Variants in MARK1 observed in about 807,000 individuals in gnomAD.
The protein encoded by MARK1 is serine/threonine-protein kinase MARK1.
Under a neutral mutation model 96.3 loss-of-function variants are expected in MARK1, and 40 were observed. The observed-to-expected ratio is 0.42, with a 90% CI of 0.32 to 0.54. MARK1 has a LOEUF of 0.54. MARK1 is among the 20% of genes least tolerant of loss of function. The pLI is 0.16. For missense variants in MARK1, 719 were observed against 984.6 expected (o/e 0.73, Z 3.61); for synonymous variants, 317 against 341.2 (o/e 0.93, Z 0.78).
intron 1 of MARK1, among the ~76,000 whole-genome samples, chr1:220,535,468 G>A (rs1379852282): frequency 6.6e-6 from 1 of 151,984 alleles, no homozygotes; most frequent in African/African-American, 2.4e-5. Flanking sequence ...ACTGTAGTGT[G>A]CTTTTTCACT....
intron 1 of MARK1, among the ~76,000 whole-genome samples, chr1:220,562,675 C>T (rs992360664): frequency 9.2e-5 from 14 of 151,788 alleles, no homozygotes; most frequent in African/African-American, 3.4e-4. Flanking sequence ...TCCAGGACCT[C>T]CCTCAAAAAA....
At chr1:220,603,210 C>G (rs1665855356) in intron 5 of MARK1, among the ~76,000 whole-genome samples, 1 of 151,926 alleles carries the variant, frequency 6.6e-6, no homozygotes, top group South Asian at 2.1e-4. Flanking sequence ...AAATTTAATC[C>G]TTATACTAAG....
At chr1:220,657,164 A>G (rs1229812235) in intron 16 of MARK1, among the ~76,000 whole-genome samples, 1 of 152,184 alleles carries the variant, frequency 6.6e-6, no homozygotes, top group African/African-American at 2.4e-5. Context: ...ACACAGAACA[A>G]TTAGTAGTGT....
intron 13 of MARK1, among the ~76,000 whole-genome samples, chr1:220,643,806 A>G (rs915272602): frequency 6.6e-6 from 1 of 152,224 alleles, no homozygotes; most frequent in Non-Finnish European, 1.5e-5. Flanking sequence ...CCAGAATTTC[A>G]TATCTGGTCA....
At chr1:220,600,586 A>G (rs1163880969) in intron 5 of MARK1, among the ~76,000 whole-genome samples, 1 of 152,210 alleles carries the variant, frequency 6.6e-6, no homozygotes, top group Non-Finnish European at 1.5e-5. Context: ...TTTCTCAGAA[A>G]TGGGTTGAAA....
At chr1:220,556,104 A>C (rs987393698) in intron 1 of MARK1, among the ~76,000 whole-genome samples, 7 of 152,168 alleles carry the variant, frequency 4.6e-5, no homozygotes, top group African/African-American at 1.7e-4. Flanking sequence ...TGTAGCTCTA[A>C]CACTGTCTTA....
In MARK1 at chr1:220,663,538, C is replaced by T. The variant is rs1390209671; in HGVS notation, c.*1372C>T. The stretch of plus-strand genomic sequence containing the variant: ...TACTGTAATACCAACATATGGGCCC[C>T]ATCTGCACACTCCTGAAAAACAGAA... On this transcript the variant is annotated 3_prime_UTR_variant, in exon 18 of 18. Transcript: ENST00000366917. 6.6e-6 allele frequency: 1 copy of T among 152,496 alleles called. No homozygotes were observed. The highest frequency in any genetic ancestry group is 1.5e-5 in the Non-Finnish European group (1 of 67,992). 9.4% of individuals were successfully genotyped at this position (152,496 alleles called of 1,614,324 possible).
At chr1:220,612,428 A>T (rs1666503619) in intron 6 of MARK1, among the ~76,000 whole-genome samples, 1 of 152,188 alleles carries the variant, frequency 6.6e-6, no homozygotes, top group Admixed American at 6.5e-5. Flanking sequence ...CATTGCAGAG[A>T]CTGAGTGCCA....
chr1:220,657,760 AT>A (rs765737210), intron 16 of MARK1, 29 bp from the exon 17 acceptor site: 1 of 1,520,760 alleles, frequency 6.6e-7, no homozygotes, highest in Non-Finnish European at 8.8e-7. Flanking sequence ...TACTTTTATC[AT>A]TAAATCTCAA....
At chr1:220,593,288 A>G (rs1049402671) in intron 3 of MARK1, among the ~76,000 whole-genome samples, 1 of 152,172 alleles carries the variant, frequency 6.6e-6, no homozygotes, top group East Asian at 1.9e-4. Flanking sequence ...AGTTACACTT[A>G]AGCATTTTTT....
At chr1:220,538,145 C>G (rs1660857770) in intron 1 of MARK1, among the ~76,000 whole-genome samples, 1 of 150,606 alleles carries the variant, frequency 6.6e-6, no homozygotes, top group Non-Finnish European at 1.5e-5. Flanking sequence ...GACATGAAGT[C>G]CTTGCCCATG....
intron 1 of MARK1, among the ~76,000 whole-genome samples, chr1:220,558,465 A>C (rs1662441287): frequency 6.6e-6 from 1 of 151,866 alleles, no homozygotes; most frequent in Non-Finnish European, 1.5e-5. Context: ...TTGTGTAAAA[A>C]CTAGTAAAAC....
intron 9 of MARK1, among the ~76,000 whole-genome samples, chr1:220,620,249 A>G (rs1164128727): frequency 6.6e-6 from 1 of 152,328 alleles, no homozygotes; most frequent in East Asian, 1.9e-4. Flanking sequence ...AATAGAGAAC[A>G]TGTACTATAT....
chr1:220,620,775 A>G (rs1181879799), intron 9 of MARK1, among the ~76,000 whole-genome samples: 1 of 152,148 alleles, frequency 6.6e-6, no homozygotes, highest in African/African-American at 2.4e-5. Context: ...GCTTACCAAA[A>G]CAAAGTTTTT....
intron 1 of MARK1, among the ~76,000 whole-genome samples, chr1:220,562,267 C>T (rs886946901): frequency 6.6e-6 from 1 of 152,068 alleles, no homozygotes; most frequent in African/African-American, 2.4e-5. Context: ...GAGTTTGACA[C>T]CAGCCTGGCC....
intron 4 of MARK1, among the ~76,000 whole-genome samples, chr1:220,599,566 C>G (rs968433718): frequency 5.3e-5 from 8 of 151,902 alleles, no homozygotes; most frequent in African/African-American, 1.9e-4. Flanking sequence ...CCTTTTAATC[C>G]TAGAAACTTA....
intron 3 of MARK1, among the ~76,000 whole-genome samples, chr1:220,596,586 A>C (rs916787688): frequency 6.6e-6 from 1 of 152,182 alleles, no homozygotes; most frequent in African/African-American, 2.4e-5. Context: ...ATTATTGAGA[A>C]TAGCTAGGGA....
chr1:220,570,775 A>T (rs1473015431), intron 1 of MARK1, among the ~76,000 whole-genome samples: 1 of 152,164 alleles, frequency 6.6e-6, no homozygotes, highest in Non-Finnish European at 1.5e-5. Flanking sequence ...ACCCATTTCT[A>T]GTACCTAAAA....
chr1:220,635,284 T>C (rs1001135289), intron 11 of MARK1, 92 bp from the exon 12 acceptor site: 2 of 1,231,732 alleles, frequency 1.6e-6, no homozygotes, highest in Admixed American at 2.9e-5. Flanking sequence ...TGTATAGCTT[T>C]AAGTCATTTA....
Sources: allele counts gnomAD v4.1 joint callset (sites outside exome capture counted in the v4.1 genomes callset), GRCh38; gene constraint gnomAD v4.1.1; transcripts MANE v1.5; gene names NCBI Gene and HGNC (gene_info 2026-07-23, HGNC 2026-07-21).